Variants in TRIM5 observed in about 807,000 individuals in gnomAD.
TRIM5 encodes tripartite motif containing 5, also known as tripartite motif-containing protein 5.
TRIM5 carries 31 observed loss-of-function variants against 35.6 expected under a neutral mutation model. The observed-to-expected ratio is 0.87, with a 90% CI of 0.65 to 1.18. The LOEUF is 1.18. TRIM5 is among the 50% of genes most tolerant of loss of function. The pLI, the probability that TRIM5 is intolerant of heterozygous loss-of-function variation, is 0.00. For missense variants in TRIM5, 609 were observed against 591.6 expected, an observed-to-expected ratio of 1.03 and a Z score of -0.31; for synonymous variants, 243 against 215.6, an observed-to-expected ratio of 1.13 and a Z score of -1.11.
intron 4 of TRIM5, among the ~76,000 whole-genome samples, chr11:5,674,790 C>T (rs1851820321): frequency 6.6e-6 from 1 of 152,124 alleles, no homozygotes; most frequent in South Asian, 2.1e-4. Context: ...AAGTCAGGAA[C>T]AGAAAGACAA....
chr11:5,674,208 T>C (rs1851771328), intron 4 of TRIM5, among the ~76,000 whole-genome samples: 1 of 152,086 alleles, frequency 6.6e-6, no homozygotes, highest in South Asian at 2.1e-4. Context: ...GTGTGTGCTG[T>C]AGATAGAAAT....
the TRIM5 span, chr11:5,603,531 T>C: frequency 1.2e-6 from 2 of 1,614,116 alleles, no homozygotes; most frequent in Non-Finnish European, 1.7e-6. Flanking sequence ...CTAATCGGCA[T>C]CTGGCCAACA....
chr11:5,610,965 A>G, the TRIM5 span: 1 of 1,614,010 alleles, frequency 6.2e-7, no homozygotes, highest in African/African-American at 1.3e-5. Flanking sequence ...TGTGGCCAAG[A>G]AGACTGCCTG....
the TRIM5 span, among the ~76,000 whole-genome samples, chr11:5,602,721 A>G: frequency 6.6e-6 from 1 of 151,768 alleles, no homozygotes; most frequent in African/African-American, 2.4e-5. Flanking sequence ...TGAGAGGCCA[A>G]GGCAGGAGCA....
chr11:5,658,296 G>T (rs975031674), downstream of TRIM5, among the ~76,000 whole-genome samples: 29 of 152,198 alleles, frequency 1.9e-4, no homozygotes, highest in African/African-American at 6.8e-4. Context: ...CAGCCTGGCT[G>T]CTGGGTGGCC....
chr11:5,634,991 G>C, the TRIM5 span: 1 of 893,208 alleles, frequency 1.1e-6, no homozygotes, highest in Non-Finnish European at 1.6e-6. Context: ...CATTCTAGAT[G>C]TCATGGACAT....
At chr11:5,626,421 T>C in the TRIM5 span, among the ~76,000 whole-genome samples, 1 of 152,234 alleles carries the variant, frequency 6.6e-6, no homozygotes, top group Non-Finnish European at 1.5e-5. Flanking sequence ...GCCTTGCAAC[T>C]TTAAATAGTT....
At position 5,665,205 on chromosome 11, in the gene TRIM5, C is replaced by T. The variant is rs767815516; in HGVS notation, c.1086G>A (p.Glu362=). 1 of 1,614,122 alleles carries T rather than the reference C, an allele frequency of 6.2e-7. No individual in the cohort carries two copies. Among genetic ancestry groups the T allele is most frequent in the South Asian group, 1.1e-5 (1 of 91,072 alleles). The change falls in exon 8 of 8, where the codon GAG becomes GAA. Residue 362 remains glutamate (E), a synonymous_variant. Transcript: ENST00000380034. ...QSITSGKHYW[E]VDVSKKTAWI... ...AAGCAGTTTTCTTGGACACGTCTAC[C>T]TCCCAGTAATGTTTCCCTGATGTGA...
the TRIM5 span, among the ~76,000 whole-genome samples, chr11:5,592,488 G>C: frequency 3.3e-5 from 5 of 152,064 alleles, no homozygotes; most frequent in African/African-American, 1.2e-4. Flanking sequence ...GGCAAAACTG[G>C]TTCCAGAGTC....
At chr11:5,609,595 AAAC>A in the TRIM5 span, among the ~76,000 whole-genome samples, 2 of 152,210 alleles carry the variant, frequency 1.3e-5, no homozygotes, top group African/African-American at 4.8e-5. Context: ...TATTTTCTAA[AAAC>A]AACAACAGAA....
At chr11:5,639,497 A>C in the TRIM5 span, among the ~76,000 whole-genome samples, 3 of 151,810 alleles carry the variant, frequency 2.0e-5, no homozygotes, top group Non-Finnish European at 4.4e-5. Context: ...TGGCTAACAC[A>C]GTGAAACCCC....
chr11:5,599,467 G>A, the TRIM5 span, among the ~76,000 whole-genome samples: 8 of 151,976 alleles, frequency 5.3e-5, no homozygotes, highest in Middle Eastern at 3.4e-3. Flanking sequence ...GCAGTGGCAC[G>A]ATCTCGACTC....
chr11:5,642,962 T>C, the TRIM5 span: 1 of 1,448,406 alleles, frequency 6.9e-7, no homozygotes, highest in East Asian at 2.4e-5. Flanking sequence ...AAACATTTGC[T>C]AAATACATTT....
At chr11:5,635,549 C>G in the TRIM5 span, among the ~76,000 whole-genome samples, 1 of 152,166 alleles carries the variant, frequency 6.6e-6, no homozygotes, top group Non-Finnish European at 1.5e-5. Context: ...ACCCACCGCA[C>G]CCAGCCCCCT....
chr11:5,638,560 A>G, the TRIM5 span, among the ~76,000 whole-genome samples: 3 of 152,224 alleles, frequency 2.0e-5, no homozygotes, highest in African/African-American at 7.2e-5. Context: ...AGTGGTGATG[A>G]TGGGGGAATG....
chr11:5,647,332 G>C, the TRIM5 span, among the ~76,000 whole-genome samples: 1 of 152,062 alleles, frequency 6.6e-6, no homozygotes, highest in Admixed American at 6.5e-5. Flanking sequence ...ATCTGACTGA[G>C]ATGAATCAAT....
the TRIM5 span, among the ~76,000 whole-genome samples, chr11:5,591,645 G>A: frequency 6.4e-3 from 954 of 148,230 alleles, 14 homozygotes; most frequent in African/African-American, 0.023. Context: ...CAAAAACTCC[G>A]CCTCAAAAAA....
chr11:5,650,758 G>T, the TRIM5 span, among the ~76,000 whole-genome samples: 1 of 152,178 alleles, frequency 6.6e-6, no homozygotes, highest in East Asian at 1.9e-4. Context: ...GCCAGGTAGG[G>T]TCACATAGTA....
chr11:5,681,472 C>G (rs1852443843), intron 1 of TRIM5, among the ~76,000 whole-genome samples: 1 of 152,204 alleles, frequency 6.6e-6, no homozygotes, highest in Admixed American at 6.5e-5. Context: ...TAACTAAGGT[C>G]TGAGTTTTAA....
Sources: allele counts gnomAD v4.1 joint callset (sites outside exome capture counted in the v4.1 genomes callset), GRCh38; gene constraint gnomAD v4.1.1; transcripts MANE v1.5; gene names NCBI Gene and HGNC (gene_info 2026-07-23, HGNC 2026-07-21).